ESRRG: variants seen among roughly 807,000 people sequenced by gnomAD.
The protein encoded by ESRRG is estrogen-related receptor gamma.
Under a neutral mutation model 44.0 loss-of-function variants are expected in ESRRG, and 13 were observed. The ratio of observed to expected loss-of-function variants is 0.30; its 90% CI spans 0.19 to 0.47. ESRRG has a LOEUF of 0.47. Ranked by LOEUF, ESRRG falls within the 20% of genes least tolerant of loss-of-function variation. The pLI is 1.00. For synonymous variants in ESRRG, 215 were observed against 214.6 expected, an observed-to-expected ratio of 1.00 and a Z score of -0.02; for missense variants, 395 against 580.6, an observed-to-expected ratio of 0.68 and a Z score of 3.29.
chr1:217,013,846 AGGG>A (rs143372824), intron 1 of ESRRG, among the ~76,000 whole-genome samples: 22,673 of 152,088 alleles, frequency 0.15, 2,168 homozygotes, highest in Admixed American at 0.21. Flanking sequence ...CATTAAAATG[AGGG>A]GCTGAAACAT....
chr1:216,889,823 A>C (rs916630127), intron 2 of ESRRG, among the ~76,000 whole-genome samples: 10 of 152,242 alleles, frequency 6.6e-5, no homozygotes, highest in Non-Finnish European at 1.3e-4. Context: ...ACATTTAAGT[A>C]TAATAATTAT....
At chr1:216,626,574 G>T (rs1428377975) in intron 3 of ESRRG, among the ~76,000 whole-genome samples, 1 of 152,164 alleles carries the variant, frequency 6.6e-6, no homozygotes, top group African/African-American at 2.4e-5. Context: ...TGGGTGCCCT[G>T]GGGCAGTGAA....
At chr1:216,707,349 T>C (rs1276516574) in intron 1 of ESRRG, 2 of 1,535,594 alleles carry the variant, frequency 1.3e-6, no homozygotes, top group African/African-American at 1.4e-5. Flanking sequence ...AGAAAAATAA[T>C]CGGGCCCACC....
chr1:216,757,504 C>T (rs908358657), intron 2 of ESRRG, among the ~76,000 whole-genome samples: 2 of 151,954 alleles, frequency 1.3e-5, no homozygotes, highest in Non-Finnish European at 2.9e-5. Context: ...AAAATAAACA[C>T]TATTTCAGTT....
intron 1 of ESRRG, among the ~76,000 whole-genome samples, chr1:217,018,899 C>A (rs552515761): frequency 6.0e-4 from 91 of 152,256 alleles, no homozygotes; most frequent in South Asian, 1.7e-3. Flanking sequence ...TGCATCTACT[C>A]CTCTTCCCAG....
At chr1:216,969,286 G>A (rs1230189145) in intron 1 of ESRRG, among the ~76,000 whole-genome samples, 3 of 152,086 alleles carry the variant, frequency 2.0e-5, no homozygotes, top group East Asian at 3.9e-4. Flanking sequence ...ACCCACTTGA[G>A]GAGAGATATT....
At chr1:216,622,067 G>A (rs1302315656) in intron 3 of ESRRG, among the ~76,000 whole-genome samples, 3 of 152,174 alleles carry the variant, frequency 2.0e-5, no homozygotes, top group Non-Finnish European at 4.4e-5. Context: ...TGGAATTCAA[G>A]CAACACCTTC....
At chr1:217,122,575 A>C (rs1334883713) in intron 1 of ESRRG, among the ~76,000 whole-genome samples, 1 of 151,856 alleles carries the variant, frequency 6.6e-6, no homozygotes, top group South Asian at 2.1e-4. Flanking sequence ...AGGCTTCTTC[A>C]TCCGGTGGTT....
chr1:216,635,600 G>C (rs746528818), intron 3 of ESRRG, among the ~76,000 whole-genome samples: 2 of 152,078 alleles, frequency 1.3e-5, no homozygotes, highest in Non-Finnish European at 2.9e-5. Flanking sequence ...TGGATTCAAG[G>C]TCATTTGTTT....
At chr1:216,735,382 A>T (rs2089686904) in intron 2 of ESRRG, among the ~76,000 whole-genome samples, 1 of 149,046 alleles carries the variant, frequency 6.7e-6, no homozygotes, top group Non-Finnish European at 1.5e-5. Flanking sequence ...AAAAAAAAAA[A>T]TTGTTTGTAG....
At chr1:216,508,108 G>A (rs937088657) in intron 6 of ESRRG, among the ~76,000 whole-genome samples, 1 of 152,118 alleles carries the variant, frequency 6.6e-6, no homozygotes, top group Non-Finnish European at 1.5e-5. Context: ...AATAATTCTA[G>A]TTCTCTGAGA....
rs574974456 is a variant in ESRRG, at chr1:216,993,002, A to C, written c.-105-53329T>G. Among the ~76,000 whole-genome samples, 5 of 152,150 alleles carry C rather than the reference A, an allele frequency of 3.3e-5. No homozygotes were observed. In the East Asian group the frequency reaches 5.8e-4, roughly 18 times the overall value. ...ACCTTGTTTTATCATCCACCCACTG[A>C]TATATTTGTTTCAATTGTTTACTAG... On this transcript the variant is annotated intron_variant, in intron 1 of 7. Coordinates refer to the ESRRG transcript ENST00000359162.
intron 2 of ESRRG, among the ~76,000 whole-genome samples, chr1:216,828,233 T>A (rs1203824696): frequency 1.3e-5 from 2 of 152,138 alleles, no homozygotes; most frequent in African/African-American, 4.8e-5. Flanking sequence ...TAACAGTAAT[T>A]TATTGAGCAA....
chr1:216,711,995 CA>C (rs989023139), intron 1 of ESRRG, among the ~76,000 whole-genome samples: 15 of 152,078 alleles, frequency 9.9e-5, no homozygotes, highest in Non-Finnish European at 2.1e-4. Flanking sequence ...TGCTTTCATT[CA>C]AAAAAGTCTG....
chr1:217,078,473 A>G (rs1220934592), intron 1 of ESRRG: 1 of 152,238 alleles, frequency 6.6e-6, no homozygotes, highest in Non-Finnish European at 1.5e-5. Context: ...GAGCAGAGCA[A>G]CCTTTGACAA....
At chr1:216,522,850 A>T (rs2046507761) in intron 5 of ESRRG, among the ~76,000 whole-genome samples, 1 of 152,150 alleles carries the variant, frequency 6.6e-6, no homozygotes, top group Admixed American at 6.6e-5. Flanking sequence ...TGGCTTACAC[A>T]TGCTTGTATC....
rs1467198483 is a variant in ESRRG, at chr1:216,980,351, A to T, written c.-105-40678T>A. On this transcript the variant is annotated intron_variant, in intron 1 of 7. Transcript: ENST00000359162. ...TTAGACAACTCCAGCTATATGTCCC[A>T]GAAAAACCTCAAACCTGACAACATT... Among the ~76,000 whole-genome samples the T allele has an allele frequency of 4.6e-5, 7 of 152,188 alleles. No individual in the cohort carries two copies. The East Asian group carries it at 1.3e-3, about 29-fold the overall frequency.
intron 1 of ESRRG, among the ~76,000 whole-genome samples, chr1:216,984,265 T>C (rs2074500910): frequency 6.6e-6 from 1 of 152,186 alleles, no homozygotes; most frequent in African/African-American, 2.4e-5. Context: ...TAAATCCTCG[T>C]GATCATTTTA....
chr1:217,086,800 T>C (rs1411496468), intron 1 of ESRRG, among the ~76,000 whole-genome samples: 2 of 152,200 alleles, frequency 1.3e-5, no homozygotes, highest in Non-Finnish European at 2.9e-5. Context: ...TCCCCTTTAC[T>C]AGGATAATGA....
Sources: gnomAD v4.1 joint callset for allele counts (sites outside exome capture counted in the v4.1 genomes callset) on GRCh38, gnomAD v4.1.1 for gene constraint, MANE v1.5 for transcripts, NCBI Gene and HGNC (gene_info 2026-07-23, HGNC 2026-07-21) for gene names.